HRH1: variants seen among roughly 807,000 people sequenced by gnomAD.
HRH1 encodes the protein histamine receptor H1.
A neutral mutation model predicts 10.3 loss-of-function variants in HRH1; 6 were observed. The observed-to-expected ratio is 0.58, with a 90% CI of 0.32 to 1.15. The LOEUF is 1.15. HRH1 is among the 50% of genes most tolerant of loss of function. The pLI is 0.05. For synonymous variants in HRH1, 242 were observed against 236.7 expected (o/e 1.02, Z -0.21); for missense variants, 514 against 615.3 (o/e 0.84, Z 1.74).
intron 1 of HRH1, among the ~76,000 whole-genome samples, chr3:11,233,580 A>G (rs1416742754): frequency 6.6e-6 from 1 of 152,190 alleles, no homozygotes. Flanking sequence ...GCCCCAAACC[A>G]GGGCTTTCAG....
At chr3:11,138,313 C>T (rs9824200) in intron 1 of HRH1, among the ~76,000 whole-genome samples, 45,068 of 151,480 alleles carry the variant, frequency 0.3, 7,183 homozygotes, top group Admixed American at 0.46. Context: ...TGAGCCACCG[C>T]GCCCAGCCTA....
chr3:11,180,948 TAC>T (rs71055851), intron 1 of HRH1, among the ~76,000 whole-genome samples: 6,108 of 120,928 alleles, frequency 0.051, 171 homozygotes, highest in East Asian at 0.073. Flanking sequence ...CTCTCAGGCA[TAC>T]ACACACACAC....
chr3:11,196,611 C>T (rs1937660504), intron 1 of HRH1, among the ~76,000 whole-genome samples: 2 of 152,128 alleles, frequency 1.3e-5, no homozygotes, highest in Admixed American at 1.3e-4. Context: ...TTGCCCTATA[C>T]TGATGGTGAA....
At chr3:11,217,144 C>T (rs1473408477) in intron 1 of HRH1, among the ~76,000 whole-genome samples, 2 of 151,676 alleles carry the variant, frequency 1.3e-5, no homozygotes, top group Non-Finnish European at 1.5e-5. Flanking sequence ...CAAGATTGCG[C>T]CACTGCACCC....
At chr3:11,151,415 C>T (rs186804186), upstream of HRH1, among the ~76,000 whole-genome samples, 16 of 152,298 alleles carry the variant, frequency 1.1e-4, no homozygotes, top group Admixed American at 7.8e-4. Context: ...CGTTTTCATT[C>T]AAGAACACTT....
At chr3:11,253,804 A>C (rs1939713207) in intron 1 of HRH1, among the ~76,000 whole-genome samples, 1 of 152,158 alleles carries the variant, frequency 6.6e-6, no homozygotes, top group Non-Finnish European at 1.5e-5. Flanking sequence ...TCTTCTCCTG[A>C]GAATAAGATG....
chr3:11,152,471 G>A (rs945602847), upstream of HRH1, among the ~76,000 whole-genome samples: 1 of 152,132 alleles, frequency 6.6e-6, no homozygotes, highest in East Asian at 1.9e-4. Flanking sequence ...TGATCACCAT[G>A]GGTTTAGCAG....
At chr3:11,144,846 G>A in intron 1 of HRH1, among the ~76,000 whole-genome samples, 1 of 151,980 alleles carries the variant, frequency 6.6e-6, no homozygotes, top group Non-Finnish European at 1.5e-5. Context: ...ACTCCAGCCT[G>A]GGTGACAGAG....
chr3:11,204,784 G>C (rs1014682875), intron 1 of HRH1, among the ~76,000 whole-genome samples: 3 of 152,228 alleles, frequency 2.0e-5, no homozygotes, highest in Non-Finnish European at 4.4e-5. Context: ...ACTGGTCAGA[G>C]GCAGAGGCAG....
At chr3:11,256,979 G>A (rs999062478) in intron 1 of HRH1, among the ~76,000 whole-genome samples, 23 of 151,902 alleles carry the variant, frequency 1.5e-4, no homozygotes, top group African/African-American at 3.1e-4. Flanking sequence ...TTGGCCGGGC[G>A]CAGTGGCTCA....
rs191506280 is a variant in HRH1 at position 11,236,867 on chromosome 3, G to A, written c.-35-22136G>A. On this transcript the variant is annotated intron_variant, in intron 1 of 1. Transcript: ENST00000431010. The stretch of plus-strand genomic sequence containing the variant: ...TGTCCATCAGGTCACTTGACTGAAA[G>A]AGACAAAAGTTACAGGAACTGGTAA... Among the ~76,000 whole-genome samples the A allele has an allele frequency of 6.6e-4, 100 of 152,344 alleles. No homozygotes were observed. The East Asian group carries it at 0.016, about 24-fold the overall frequency.
At chr3:11,225,202 C>T (rs1938842566) in intron 1 of HRH1, among the ~76,000 whole-genome samples, 1 of 152,238 alleles carries the variant, frequency 6.6e-6, no homozygotes, top group African/African-American at 2.4e-5. Flanking sequence ...TTTCTACAAA[C>T]AAGACCATGT....
intron 1 of HRH1, among the ~76,000 whole-genome samples, chr3:11,179,368 G>C (rs112553942): frequency 0.083 from 12,513 of 151,596 alleles, 938 homozygotes; most frequent in African/African-American, 0.2. Context: ...CGCCTGTAAT[G>C]CTAGCACTTT....
chr3:11,182,218 T>G (rs999686027), intron 1 of HRH1, among the ~76,000 whole-genome samples: 1 of 151,374 alleles, frequency 6.6e-6, no homozygotes, highest in Non-Finnish European at 1.5e-5. Context: ...CCTGACCTTG[T>G]GATCCACCCC....
intron 1 of HRH1, among the ~76,000 whole-genome samples, chr3:11,252,943 G>A (rs1939689851): frequency 6.6e-6 from 1 of 152,070 alleles, no homozygotes; most frequent in South Asian, 2.1e-4. Flanking sequence ...GCAAGATTAG[G>A]GAGGGGAGGG....
At chr3:11,178,206 G>A (rs1574990647) in intron 1 of HRH1, among the ~76,000 whole-genome samples, 1 of 152,114 alleles carries the variant, frequency 6.6e-6, no homozygotes, top group Non-Finnish European at 1.5e-5. Context: ...CAAGTCCCTC[G>A]CCAGCTTCTG....
intron 1 of HRH1, among the ~76,000 whole-genome samples, chr3:11,170,788 AT>A (rs1420177374): frequency 6.6e-6 from 1 of 152,202 alleles, no homozygotes; most frequent in Non-Finnish European, 1.5e-5. Flanking sequence ...GAGGAATAGG[AT>A]TTAATTCAGC....
Position 11,234,303 on chromosome 3 carries a change from T to A in HRH1, c.-35-24700T>A, listed in dbSNP as rs1267524195. 83 of 1,574,356 alleles carry A rather than the reference T, an allele frequency of 5.3e-5. 2 individuals are homozygous for A. The highest frequency in any genetic ancestry group is 1.6e-4 in the Admixed American group (9 of 57,528). ...GTTGCAGTGGCCTCAGTGGGAGCTGTTTCTTCTGCTTGTTCTGCTGGCTTC... is the reference window on the plus strand; with the variant it reads ...GTTGCAGTGGCCTCAGTGGGAGCTGATTCTTCTGCTTGTTCTGCTGGCTTC... On this transcript the variant is annotated intron_variant, in intron 1 of 1. Transcript: ENST00000431010.
intron 1 of HRH1, among the ~76,000 whole-genome samples, chr3:11,202,404 C>CAATAAATAAATAAATAAATA (rs60116753): frequency 3.6e-4 from 50 of 140,622 alleles, no homozygotes; most frequent in African/African-American, 7.8e-4. Flanking sequence ...GACTCCATCT[C>CAATAAATAAATAAATAAATA]AATAAATAAA....
Sources: allele counts gnomAD v4.1 joint callset (sites outside exome capture counted in the v4.1 genomes callset), GRCh38; gene constraint gnomAD v4.1.1; transcripts MANE v1.5; gene names NCBI Gene and HGNC (gene_info 2026-07-23, HGNC 2026-07-21).